The following STK25 variants were observed in gnomAD, a reference collection of about 807,000 sequenced individuals.
STK25 encodes serine/threonine-protein kinase 25.
A neutral mutation model predicts 53.8 loss-of-function variants in STK25; 29 were observed. That is an observed-to-expected ratio of 0.54 (90% CI 0.40 to 0.74). The LOEUF is 0.74. Among genes scored for constraint, STK25 ranks in the 30% least tolerant of loss-of-function variants. The probability of loss-of-function intolerance (pLI) is 0.00; values close to 1 mark genes in which losing one functional copy is unlikely to be tolerated. For missense variants in STK25, 420 were observed against 568.0 expected (o/e 0.74, Z 2.65); for synonymous variants, 247 against 238.3 (o/e 1.04, Z -0.33).
In STK25 at chr2:241,501,511, G is replaced by A. The variant is rs1190970725; in HGVS notation, c.228C>T (p.Pro76=). The change falls in exon 3 of 12, where the codon CCC becomes CCT. Residue 76 remains proline, a synonymous_variant. Transcript: ENST00000316586. This position sits in a 1 kb window ranked among gnomAD's most constrained non-coding sequence, Gnocchi z 5.3. ...AGGAGCCAAAGTAGCGGGTGATGTA[G>A]GGGCTGTCGCACTGACTGAGGACAG... ...EITVLSQCDS[P]YITRYFGSYL... 1 of 1,614,096 alleles carries A rather than the reference G, an allele frequency of 6.2e-7. No individual in the cohort carries two copies. Among genetic ancestry groups the A allele is most frequent in the Non-Finnish European group, 8.5e-7 (1 of 1,180,028 alleles).
In STK25 at chr2:241,498,767, C is replaced by G. The variant is rs200431947; in HGVS notation, c.789G>C (p.Glu263Asp). The change falls in exon 8 of 12, where the codon GAG becomes GAC. Residue 263 changes from glutamate (E) to aspartate (D), a missense_variant. By Grantham distance (45) the Glu-to-Asp change is conservative. Coordinates refer to ENST00000316586, the MANE Select transcript of STK25 (RefSeq NM_001271977.2). Reference sequence around the variant, plus strand: ...GTGTGATGAACTTGTGCTTCAGGAGCTCCTTGGCCGTGGGCCGCTGCAGGG... The same window carrying G: ...GTGTGATGAACTTGTGCTTCAGGAGGTCCTTGGCCGTGGGCCGCTGCAGGG... The part of the protein sequence containing the change: ...KDPRFRPTAK[E>D]LLKHKFITRY... 24 of 1,614,086 alleles carry G rather than the reference C, an allele frequency of 1.5e-5. No individual in the cohort carries two copies. The East Asian group carries it at 5.3e-4, about 36-fold the overall frequency.
At chr2:241,508,777 G>C, upstream of STK25, 1 of 983,444 alleles carries the variant, frequency 1.0e-6, no homozygotes, top group Non-Finnish European at 1.2e-6. Context: ...TCCTGCTCCC[G>C]AAAGGTTTGG....
chr2:241,507,437 G>A (rs1283752401), intron 2 of STK25, among the ~76,000 whole-genome samples: 1 of 152,212 alleles, frequency 6.6e-6, no homozygotes, highest in Non-Finnish European at 1.5e-5. Flanking sequence ...GCCCGTCGCA[G>A]GGGTTAAACG....
chr2:241,495,354 T>A lies in STK25; in HGVS notation c.*308A>T, dbSNP rs910882129. 1.5e-5 allele frequency: 6 copies of A among 388,618 alleles called. No individual in the cohort carries two copies. In the East Asian group the frequency reaches 2.8e-4, roughly 18 times the overall value. The allele number at this position is 388,618 out of a possible 1,614,324, so 24.1% of individuals were successfully genotyped here. On this transcript the variant is annotated 3_prime_UTR_variant, in exon 12 of 12. Coordinates refer to ENST00000316586, the MANE Select transcript of STK25 (RefSeq NM_001271977.2). ...GAGCGGCCATAGGGCTGCATGAGTC[T>A]GCAGAAGACCCAGGCGTAGCTCATG...
upstream of STK25, chr2:241,508,622 C>T (rs2066004744): frequency 2.0e-6 from 2 of 987,228 alleles, no homozygotes; most frequent in Non-Finnish European, 2.4e-6. Flanking sequence ...GGCGTCGCGG[C>T]CCGCGCACGG....
At chr2:241,504,321 C>T (rs1443173804) in intron 2 of STK25, among the ~76,000 whole-genome samples, 2 of 152,162 alleles carry the variant, frequency 1.3e-5, no homozygotes, top group African/African-American at 4.8e-5. Flanking sequence ...GTACAGCAGC[C>T]CAGTCCTAAA....
intron 5 of STK25, 52 bp from the exon 6 acceptor site, chr2:241,499,466 C>G (rs748638971): frequency 3.2e-6 from 5 of 1,584,144 alleles, no homozygotes; most frequent in Non-Finnish European, 4.3e-6. Flanking sequence ...GTGGCTCCAC[C>G]CCGGGCCCCC....
At position 241,508,109 on chromosome 2, in the gene STK25, C is replaced by G. The variant is rs2065962766; in HGVS notation, c.-74G>C. Reference sequence around the variant, plus strand: ...ATCCCGCGGAGAGGCGCGGAGCCGGCTAGCTCGCCCCTGCGGCGTCAGTCC... The same window carrying G: ...ATCCCGCGGAGAGGCGCGGAGCCGGGTAGCTCGCCCCTGCGGCGTCAGTCC... On this transcript the variant is annotated 5_prime_UTR_variant, in exon 2 of 12. Coordinates refer to ENST00000316586, the MANE Select transcript of STK25 (RefSeq NM_001271977.2). The G allele has an allele frequency of 6.5e-7, 1 of 1,542,112 alleles. No homozygotes were observed. The highest frequency in any genetic ancestry group is 2.5e-5 in the East Asian group (1 of 40,694).
chr2:241,507,091 A>G (rs1042401743), intron 2 of STK25, among the ~76,000 whole-genome samples: 1 of 152,224 alleles, frequency 6.6e-6, no homozygotes, highest in Non-Finnish European at 1.5e-5. Flanking sequence ...AGGAGTGAAC[A>G]AGGAGGGCCA....
Position 241,492,796 on chromosome 2 carries a change from A to G in STK25, c.*2866T>C, listed in dbSNP as rs538386464. 3 of 621,004 alleles carry G rather than the reference A, an allele frequency of 4.8e-6. No individual in the cohort carries two copies. Among genetic ancestry groups the G allele is most frequent in the African/African-American group, 3.7e-5 (2 of 54,420 alleles). 38.5% of individuals were successfully genotyped at this position (621,004 alleles called of 1,614,324 possible). ...TTAAGTACTGATAAAGCTGCTGTTC[A>G]TAGCAGTCCAGAGGTAAAACCAAGG... On this transcript the variant is annotated 3_prime_UTR_variant, in exon 12 of 12. Coordinates refer to ENST00000316586, the MANE Select transcript of STK25 (RefSeq NM_001271977.2).
In STK25 at chr2:241,501,300, G is replaced by A. The variant is rs2065494857; in HGVS notation, c.261+178C>T. ...AAGTGGGTCCCAATGGCCATTTAGAGCCAACTGACCCTCGTGGACGAGGGC... is the reference window on the plus strand; with the variant it reads ...AAGTGGGTCCCAATGGCCATTTAGAACCAACTGACCCTCGTGGACGAGGGC... On this transcript the variant is annotated intron_variant, in intron 3 of 11. Transcript: ENST00000316586. The surrounding 1 kb of genome is among the most constrained non-coding windows in gnomAD (Gnocchi z 5.3). The A allele has an allele frequency of 6.0e-6, 4 of 671,524 alleles. No homozygotes were observed. In the East Asian group the frequency reaches 1.1e-4, roughly 18 times the overall value. 41.6% of individuals were successfully genotyped at this position (671,524 alleles called of 1,614,324 possible). A position where few individuals can be genotyped will look rare whatever the true frequency, so the allele number is the denominator to read the frequency against.
intron 5 of STK25, 165 bp from the exon 6 acceptor site, chr2:241,499,579 G>A: frequency 2.5e-6 from 2 of 815,172 alleles, no homozygotes; most frequent in East Asian, 5.4e-5. Context: ...GGCCACCTAG[G>A]GCCACAGGGG....
At position 241,508,140 on chromosome 2, in the gene STK25, G is replaced by A; in HGVS notation, c.-100-5C>T. On this transcript the variant is annotated splice_polypyrimidine_tract_variant and splice_region_variant and intron_variant, in intron 1 of 11. Transcript: ENST00000316586. ...CGCCCCTGCGGCGTCAGTCCACTGC[G>A]AGGGACACCAGGGGCGCTCGGTGCC... The A allele has an allele frequency of 6.6e-7, 1 of 1,504,064 alleles. No individual in the cohort carries two copies. Among genetic ancestry groups the A allele is most frequent in the Non-Finnish European group, 8.9e-7 (1 of 1,128,264 alleles). 93.2% of individuals were successfully genotyped at this position (1,504,064 alleles called of 1,614,324 possible).
Position 241,493,045 on chromosome 2 carries a change from GT to G in STK25, c.*2616del, listed in dbSNP as rs1193429714. On this transcript the variant is annotated 3_prime_UTR_variant, in exon 12 of 12. Coordinates refer to ENST00000316586, the MANE Select transcript of STK25 (RefSeq NM_001271977.2). ...TCTACAAAACTCATCAGGTACTGGA[GT>G]TTCACTGGAGCCCAATGCAGGTGAT... The G allele has an allele frequency of 6.8e-7, 1 of 1,470,072 alleles. No individual in the cohort carries two copies. Among genetic ancestry groups the G allele is most frequent in the Non-Finnish European group, 9.5e-7 (1 of 1,048,364 alleles). 91.1% of individuals were successfully genotyped at this position (1,470,072 alleles called of 1,614,324 possible).
At chr2:241,498,832 G>A (rs2065336386) in intron 7 of STK25, 48 bp from the exon 8 acceptor site, 1 of 1,610,702 alleles carries the variant, frequency 6.2e-7, no homozygotes, top group African/African-American at 1.3e-5. Context: ...GCCAAGCTCT[G>A]CCTAAGGGAA....
chr2:241,499,059 G>A lies in STK25; in HGVS notation c.701C>T (p.Thr234Ile), dbSNP rs1220749208. The change falls in exon 7 of 12, where the codon ACA becomes ATA. Residue 234 changes from threonine to isoleucine, a missense_variant. By Grantham distance (89) the Thr-to-Ile change is moderately conservative. Transcript: ENST00000316586. ...LFLIPKNSPP[T>I]LEGQHSKPFK... is the part of the protein sequence containing the mutation. ...GGGCTTGCTGTGCTGGCCCTCCAGT[G>A]TGGGTGGGCTGTTCTTGGGAATCAG... The A allele has an allele frequency of 6.2e-7, 1 of 1,614,038 alleles. No individual in the cohort carries two copies. Among genetic ancestry groups the A allele is most frequent in the Non-Finnish European group, 8.5e-7 (1 of 1,180,032 alleles).
chr2:241,508,234 C>A, intron 1 of STK25, 99 bp from the exon 2 acceptor site: 11 of 1,313,666 alleles, frequency 8.4e-6, no homozygotes, highest in Non-Finnish European at 1.1e-5. Context: ...CCAGGAGACC[C>A]CCCAGGCCGC....
chr2:241,493,274 T>A lies in STK25; in HGVS notation c.*2388A>T, dbSNP rs890361811. On this transcript the variant is annotated 3_prime_UTR_variant, in exon 12 of 12. Coordinates refer to ENST00000316586, the MANE Select transcript of STK25 (RefSeq NM_001271977.2). ...GGCAACCCAGCCCCTGGAACCCGTG[T>A]CCCTATGCTGTCTTGCAGGATGACT... The A allele has an allele frequency of 1.9e-6, 3 of 1,611,852 alleles. No homozygotes were observed. The highest frequency in any genetic ancestry group is 1.7e-6 in the Non-Finnish European group (2 of 1,178,810).
chr2:241,499,303 A>G lies in STK25; in HGVS notation c.539T>C (p.Phe180Ser). The change falls in exon 6 of 12, where the codon TTC becomes TCC. Residue 180 changes from phenylalanine to serine, a missense_variant. By Grantham distance (155) the Phe-to-Ser change is radical. Transcript: ENST00000316586. Reference sequence around the variant, plus strand: ...CTTGATGACCTCAGGTGCCATCCAGAAGGGGGTGCCCACGAATGTGTTCCT... The same window carrying G: ...CTTGATGACCTCAGGTGCCATCCAGGAGGGGGTGCCCACGAATGTGTTCCT... Reference protein sequence around the residue: ...IKRNTFVGTPFWMAPEVIKQS... With the variant: ...IKRNTFVGTPSWMAPEVIKQS... The G allele has an allele frequency of 6.2e-7, 1 of 1,613,936 alleles. No homozygotes were observed.
Sources: allele counts gnomAD v4.1 joint callset (sites outside exome capture counted in the v4.1 genomes callset), GRCh38; gene constraint gnomAD v4.1.1; non-coding constraint Gnocchi (gnomAD v3.1); transcripts MANE v1.5; gene names NCBI Gene and HGNC (gene_info 2026-07-23, HGNC 2026-07-21).